Variants in ZFHX3 observed in about 807,000 individuals in gnomAD.
ZFHX3 encodes zinc finger homeobox 3.
Under a neutral mutation model 279.1 loss-of-function variants are expected in ZFHX3, and 42 were observed. That is an observed-to-expected ratio of 0.15 (90% CI 0.12 to 0.19). The LOEUF (loss-of-function observed/expected upper bound fraction) is 0.19. Ranked by LOEUF, ZFHX3 falls within the 10% of genes least tolerant of loss-of-function variation. The pLI is 1.00. For missense variants in ZFHX3, 4,981 were observed against 4,754.0 expected (o/e 1.05, Z -1.40); for synonymous variants, 2,293 against 1,957.8 (o/e 1.17, Z -4.52).
intron 1 of ZFHX3, among the ~76,000 whole-genome samples, chr16:73,722,234 GTTCTGGACAGA>G (rs2053480168): frequency 6.6e-6 from 1 of 152,172 alleles, no homozygotes; most frequent in African/African-American, 2.4e-5. Context: ...AGGCACTTCT[GTTCTGGACAGA>G]TTCAAAGAAA....
At chr16:73,875,822 AATC>A (rs1360092225) in intron 1 of ZFHX3, among the ~76,000 whole-genome samples, 1 of 152,214 alleles carries the variant, frequency 6.6e-6, no homozygotes, top group Non-Finnish European at 1.5e-5. Context: ...GCACACCATT[AATC>A]ATCAATGACA....
At chr16:73,497,177 G>T (rs1239318986) in intron 2 of ZFHX3, among the ~76,000 whole-genome samples, 1 of 152,168 alleles carries the variant, frequency 6.6e-6, no homozygotes, top group African/African-American at 2.4e-5. Context: ...GACTAATTCA[G>T]GGGGACCCTG....
At chr16:73,467,902 T>G (rs2018600600) in intron 2 of ZFHX3, among the ~76,000 whole-genome samples, 1 of 152,170 alleles carries the variant, frequency 6.6e-6, no homozygotes, top group South Asian at 2.1e-4. Context: ...CTAAGAACAA[T>G]GCTTGTAAGG....
At chr16:72,828,643 A>C (rs746894947) in intron 5 of ZFHX3, among the ~76,000 whole-genome samples, 2 of 152,242 alleles carry the variant, frequency 1.3e-5, no homozygotes, top group Non-Finnish European at 2.9e-5. Context: ...CCACCTGTGC[A>C]GGGCCCTGCC....
intron 2 of ZFHX3, among the ~76,000 whole-genome samples, chr16:73,472,262 A>C (rs1402909846): frequency 8.0e-6 from 1 of 124,718 alleles, no homozygotes; most frequent in Non-Finnish European, 1.8e-5. Flanking sequence ...TCTACTTTTT[A>C]AATCTTAAAA....
intron 1 of ZFHX3, among the ~76,000 whole-genome samples, chr16:73,806,735 G>A: frequency 6.6e-6 from 1 of 152,104 alleles, no homozygotes; most frequent in East Asian, 1.9e-4. Flanking sequence ...CAGCCTTTAT[G>A]CAAAATGTTA....
chr16:73,164,030 G>A (rs952156479), intron 5 of ZFHX3, among the ~76,000 whole-genome samples: 3 of 152,136 alleles, frequency 2.0e-5, no homozygotes, highest in Non-Finnish European at 4.4e-5. Context: ...GGAAAGCCTT[G>A]TAGAGCTGCT....
intron 3 of ZFHX3, among the ~76,000 whole-genome samples, chr16:72,937,067 G>C (rs1185488609): frequency 6.6e-6 from 1 of 152,164 alleles, no homozygotes; most frequent in African/African-American, 2.4e-5. Flanking sequence ...TAACCGAGAT[G>C]GGGGAGCCCA....
Position 72,793,130 on chromosome 16 carries a change from T to C in ZFHX3, c.9427+125A>G. ...GAACGAACTGAAGTCTTGTTGCTTTTAAAGAACTAGAAAGGTAAGCTTCCC... is the reference window on the plus strand; with the variant it reads ...GAACGAACTGAAGTCTTGTTGCTTTCAAAGAACTAGAAAGGTAAGCTTCCC... On this transcript the variant is annotated intron_variant, in intron 9 of 9. Transcript: ENST00000268489. The surrounding 1 kb of genome is among the most constrained non-coding windows in gnomAD (Gnocchi z 4.3). 3 of 1,479,066 alleles carry C rather than the reference T, an allele frequency of 2.0e-6. No homozygotes were observed. The highest frequency in any genetic ancestry group is 2.5e-4 in the Middle Eastern group (1 of 4,068). The allele number at this position is 1,479,066 out of a possible 1,614,324, so 91.6% of individuals were successfully genotyped here. A position where few individuals can be genotyped will look rare whatever the true frequency, so the allele number is the denominator to read the frequency against.
At chr16:73,728,835 A>T (rs2053544503) in intron 1 of ZFHX3, among the ~76,000 whole-genome samples, 1 of 151,606 alleles carries the variant, frequency 6.6e-6, no homozygotes, top group Non-Finnish European at 1.5e-5. Flanking sequence ...ACACACACAC[A>T]CACACACACA....
intron 1 of ZFHX3, chr16:73,015,920 TAC>T (rs1964086288): frequency 6.6e-6 from 1 of 152,212 alleles, no homozygotes; most frequent in East Asian, 1.9e-4. Context: ...GACTGGGTTT[TAC>T]ACACCATACG....
At chr16:73,395,543 T>C (rs1444502266) in intron 3 of ZFHX3, among the ~76,000 whole-genome samples, 36 of 151,890 alleles carry the variant, frequency 2.4e-4, no homozygotes, top group Non-Finnish European at 2.9e-5. Flanking sequence ...TGTTTTTCTT[T>C]AAGAAATTCT....
At chr16:73,220,968 C>A (rs1257900773) in intron 5 of ZFHX3, among the ~76,000 whole-genome samples, 1 of 151,956 alleles carries the variant, frequency 6.6e-6, no homozygotes, top group African/African-American at 2.4e-5. Flanking sequence ...CTGGGCTTAT[C>A]CTATATGGGG....
chr16:72,944,352 ATGTG>A (rs146603508), intron 3 of ZFHX3, among the ~76,000 whole-genome samples: 1 of 152,168 alleles, frequency 6.6e-6, no homozygotes, highest in Non-Finnish European at 1.5e-5. Flanking sequence ...AATGAACAGT[ATGTG>A]TGTGTGTACA....
chr16:73,254,048 C>T (rs1234069079), intron 5 of ZFHX3, among the ~76,000 whole-genome samples: 1 of 152,184 alleles, frequency 6.6e-6, no homozygotes, highest in African/African-American at 2.4e-5. Context: ...ATCCAGCATT[C>T]ATTCCAGGCC....
Position 73,261,668 on chromosome 16 carries a change from G to GTTTTT in ZFHX3, c.-1193-4537_-1193-4533dup, listed in dbSNP as rs1187489542. On this transcript the variant is annotated intron_variant, in intron 4 of 17. Transcript: ENST00000641206. ...TATAAATATAAACATTCCTGTGATT[G>GTTTTT]TTTTTTTTTTTTTTTTTTTTTTTTA... Among the ~76,000 whole-genome samples, 455 of 80,680 alleles carry GTTTTT rather than the reference G, an allele frequency of 5.6e-3. 43 individuals carry two copies. The highest frequency in any genetic ancestry group is 0.02 in the Middle Eastern group (2 of 98). The allele number at this position is 80,680 out of a possible 152,430, so 52.9% of individuals were successfully genotyped here.
intron 4 of ZFHX3, among the ~76,000 whole-genome samples, chr16:73,259,335 C>T (rs1423963631): frequency 6.6e-6 from 1 of 152,216 alleles, no homozygotes; most frequent in African/African-American, 2.4e-5. Context: ...TCTTCACATC[C>T]TTGCCAACGT....
chr16:73,560,996 A>G (rs1389082329), intron 2 of ZFHX3, among the ~76,000 whole-genome samples: 1 of 152,264 alleles, frequency 6.6e-6, no homozygotes, highest in African/African-American at 2.4e-5. Context: ...GGGCCACCAC[A>G]TAACATACAG....
chr16:72,916,179 C>G (rs376066302), intron 3 of ZFHX3, among the ~76,000 whole-genome samples: 4 of 152,194 alleles, frequency 2.6e-5, no homozygotes, highest in Admixed American at 6.5e-5. Context: ...CACTTCCCCC[C>G]CCTCCTCCGC....
Sources: allele counts gnomAD v4.1 joint callset (sites outside exome capture counted in the v4.1 genomes callset), GRCh38; gene constraint gnomAD v4.1.1; non-coding constraint Gnocchi (gnomAD v3.1); transcripts MANE v1.5; gene names NCBI Gene and HGNC (gene_info 2026-07-23, HGNC 2026-07-21).